ZFP64: variants seen among roughly 807,000 people sequenced by gnomAD.
ZFP64 encodes the protein ZFP64 zinc finger protein.
A neutral mutation model predicts 51.6 loss-of-function variants in ZFP64; 14 were observed. The ratio of observed to expected loss-of-function variants is 0.27; its 90% CI spans 0.18 to 0.42. The LOEUF is 0.42. ZFP64 is among the 10% of genes least tolerant of loss of function. The pLI, the probability that ZFP64 is intolerant of heterozygous loss-of-function variation, is 1.00. For synonymous variants in ZFP64, 375 were observed against 361.4 expected, an observed-to-expected ratio of 1.04 and a Z score of -0.43; for missense variants, 754 against 906.8, an observed-to-expected ratio of 0.83 and a Z score of 2.16.
At chr20:52,097,821 G>A (rs1030020029) in intron 6 of ZFP64, among the ~76,000 whole-genome samples, 3 of 152,090 alleles carry the variant, frequency 2.0e-5, no homozygotes, top group Non-Finnish European at 4.4e-5. Context: ...TGCCATCCCC[G>A]AGCTTGGGAG....
intron 5 of ZFP64, among the ~76,000 whole-genome samples, chr20:52,114,818 T>C (rs577822011): frequency 6.6e-6 from 1 of 152,234 alleles, no homozygotes; most frequent in African/African-American, 2.4e-5. Context: ...CAAGTCATTG[T>C]TGTAGCAAAA....
At chr20:52,118,883 C>T (rs745726968) in intron 5 of ZFP64, among the ~76,000 whole-genome samples, 23 of 152,316 alleles carry the variant, frequency 1.5e-4, no homozygotes, top group Admixed American at 1.0e-3. Flanking sequence ...TGGCTCGCGC[C>T]TGTAATGCCA....
chr20:52,177,711 T>C (rs1369716423), intron 2 of ZFP64, among the ~76,000 whole-genome samples: 1 of 151,850 alleles, frequency 6.6e-6, no homozygotes, highest in Admixed American at 6.6e-5. Flanking sequence ...TCTTTAACTG[T>C]TGTGCACACT....
chr20:52,115,724 T>A (rs1978828820), intron 5 of ZFP64, among the ~76,000 whole-genome samples: 1 of 152,026 alleles, frequency 6.6e-6, no homozygotes, highest in African/African-American at 2.4e-5. Flanking sequence ...CTGTACTGGC[T>A]ACATCTTAAG....
chr20:52,176,750 C>T (rs922990318), intron 2 of ZFP64, among the ~76,000 whole-genome samples: 1 of 151,682 alleles, frequency 6.6e-6, no homozygotes, highest in Non-Finnish European at 1.5e-5. Flanking sequence ...ACCTCATGAT[C>T]CACCCGCCTC....
chr20:52,106,336 A>G (rs111885912), intron 5 of ZFP64, among the ~76,000 whole-genome samples: 1,746 of 152,304 alleles, frequency 0.011, 27 homozygotes, highest in African/African-American at 0.039. Context: ...TCTTCAAATT[A>G]GGGAGTTACT....
chr20:52,188,304 CTTTCTTTTTTTTT>C (rs1246822608), intron 1 of ZFP64, among the ~76,000 whole-genome samples: 1 of 125,444 alleles, frequency 8.0e-6, no homozygotes, highest in Non-Finnish European at 1.7e-5. Context: ...ATTTCTTTTT[CTTTCTTTTTTTTT>C]TTTTTTTTTT....
chr20:52,148,846 T>C (rs557781868), downstream of ZFP64, among the ~76,000 whole-genome samples: 1 of 152,114 alleles, frequency 6.6e-6, no homozygotes, highest in African/African-American at 2.4e-5. Flanking sequence ...GTGCCACAAA[T>C]GAAGCGACAG....
rs533475457 is a variant in ZFP64 at position 52,155,161 on chromosome 20, G to A, written c.764-1733C>T. On this transcript the variant is annotated intron_variant, in intron 5 of 5. Coordinates refer to ENST00000216923, the MANE Select transcript of ZFP64 (RefSeq NM_018197.3). ...AATGAATTCAAGAATCAGACCTAGCGGCAGCTCTAGTAACTACAGTCATTT... is the reference window on the plus strand; with the variant it reads ...AATGAATTCAAGAATCAGACCTAGCAGCAGCTCTAGTAACTACAGTCATTT... Among the ~76,000 whole-genome samples the A allele has an allele frequency of 5.4e-4, 82 of 152,256 alleles. 1 individual carries two copies. The highest frequency in any genetic ancestry group is 1.7e-3 in the East Asian group (9 of 5,184).
chr20:52,108,669 C>A (rs1489396252), intron 5 of ZFP64, among the ~76,000 whole-genome samples: 2 of 151,728 alleles, frequency 1.3e-5, no homozygotes, highest in African/African-American at 4.8e-5. Flanking sequence ...CCACCATGCC[C>A]GACAATTTTT....
At chr20:52,140,178 C>T (rs1980189785) in intron 5 of ZFP64, among the ~76,000 whole-genome samples, 1 of 152,116 alleles carries the variant, frequency 6.6e-6, no homozygotes, top group South Asian at 2.1e-4. Flanking sequence ...CTTCCCTATT[C>T]CCTGAGACCC....
At chr20:52,102,308 C>A (rs2079061724) in intron 5 of ZFP64, among the ~76,000 whole-genome samples, 1 of 152,050 alleles carries the variant, frequency 6.6e-6, no homozygotes, top group African/African-American at 2.4e-5. Flanking sequence ...GTGGCAGGGG[C>A]TCCCATTTGG....
chr20:52,091,227 G>A (rs1191168356), intron 7 of ZFP64, among the ~76,000 whole-genome samples: 7 of 151,908 alleles, frequency 4.6e-5, no homozygotes, highest in Non-Finnish European at 8.8e-5. Flanking sequence ...GTCAGGTGCT[G>A]TGGCTCACGC....
chr20:52,155,452 C>T (rs1037553123), intron 5 of ZFP64, among the ~76,000 whole-genome samples: 26 of 152,276 alleles, frequency 1.7e-4, no homozygotes, highest in Admixed American at 1.5e-3. Context: ...AGTCAGAATC[C>T]TTGCTCCAGA....
chr20:52,151,318 T>C lies in ZFP64; in HGVS notation c.*828A>G, dbSNP rs747008564. 1.0e-4 allele frequency: 102 copies of C among 985,366 alleles called. No homozygotes were observed. Among genetic ancestry groups the C allele is most frequent in the African/African-American group, 9.9e-4 (57 of 57,356 alleles). The allele number at this position is 985,366 out of a possible 1,614,324, so 61.0% of individuals were successfully genotyped here. On this transcript the variant is annotated 3_prime_UTR_variant, in exon 6 of 6. Coordinates refer to ENST00000216923, the MANE Select transcript of ZFP64 (RefSeq NM_018197.3). ...TATCAATTTATTATGGAACCATTCA[T>C]TTTCTGCTCATTAGCACTAAACATT...
intron 5 of ZFP64, among the ~76,000 whole-genome samples, chr20:52,102,520 C>T (rs1051695932): frequency 1.3e-5 from 2 of 152,174 alleles, no homozygotes; most frequent in African/African-American, 4.8e-5. Flanking sequence ...GCAACCCATC[C>T]TATGTCCCTC....
chr20:52,136,096 C>CAAAAAAAAAAA (rs71192597), intron 5 of ZFP64, among the ~76,000 whole-genome samples: 1 of 38,032 alleles, frequency 2.6e-5, no homozygotes, highest in Non-Finnish European at 4.4e-5. Context: ...GAGACTCTCT[C>CAAAAAAAAAAA]AAAAAAAAAA....
chr20:52,184,502 A>G (rs577334077), intron 2 of ZFP64, among the ~76,000 whole-genome samples: 2 of 152,170 alleles, frequency 1.3e-5, no homozygotes, highest in African/African-American at 2.4e-5. Context: ...ATGTAGGCAT[A>G]TGTATTTTTT....
At chr20:52,185,216 G>A (rs969807369) in intron 2 of ZFP64, among the ~76,000 whole-genome samples, 1 of 151,980 alleles carries the variant, frequency 6.6e-6, no homozygotes, top group Non-Finnish European at 1.5e-5. Flanking sequence ...TAGAGAAGGT[G>A]TTTTGCCATA....
Sources: gnomAD v4.1 joint callset for allele counts (sites outside exome capture counted in the v4.1 genomes callset) on GRCh38, gnomAD v4.1.1 for gene constraint, MANE v1.5 for transcripts, NCBI Gene and HGNC (gene_info 2026-07-23, HGNC 2026-07-21) for gene names.